CD58: variants seen among roughly 807,000 people sequenced by gnomAD.
CD58 encodes CD58 molecule.
A neutral mutation model predicts 27.6 loss-of-function variants in CD58; 14 were observed. That is an observed-to-expected ratio of 0.51 (90% CI 0.34 to 0.79). The LOEUF (loss-of-function observed/expected upper bound fraction) is 0.79. Ranked by LOEUF, CD58 falls within the 30% of genes least tolerant of loss-of-function variation. The probability of loss-of-function intolerance (pLI) is 0.02; values close to 1 mark genes in which losing one functional copy is unlikely to be tolerated. For missense variants in CD58, 268 were observed against 301.7 expected (o/e 0.89, Z 0.83); for synonymous variants, 117 against 103.8 (o/e 1.13, Z -0.77).
chr1:116,522,037 C>A lies in CD58; in HGVS notation c.629-54G>T. On this transcript the variant is annotated intron_variant, in intron 3 of 5. Coordinates refer to ENST00000369489, the MANE Select transcript of CD58 (RefSeq NM_001779.3). The surrounding 1 kb of genome is among the most constrained non-coding windows in gnomAD (Gnocchi z 4.6). ...ACTAGTTGAACTGATCAAAATGGAT[C>A]CTCATTATTTGCAGATTCCACCTTG... The A allele has an allele frequency of 1.0e-6, 1 of 954,020 alleles. No homozygotes were observed. The highest frequency in any genetic ancestry group is 1.6e-6 in the Non-Finnish European group (1 of 618,582). 59.1% of individuals were successfully genotyped at this position (954,020 alleles called of 1,614,324 possible).
In CD58 at chr1:116,528,311, T is replaced by G. The variant is rs192340271; in HGVS notation, c.629-6328A>C. Among the ~76,000 whole-genome samples the G allele has an allele frequency of 6.6e-6, 1 of 152,326 alleles. No homozygotes were observed. Among genetic ancestry groups the G allele is most frequent in the Admixed American group, 6.5e-5 (1 of 15,302 alleles). On this transcript the variant is annotated intron_variant, in intron 3 of 5. Coordinates refer to ENST00000369489, the MANE Select transcript of CD58 (RefSeq NM_001779.3). This position sits in a 1 kb window ranked among gnomAD's most constrained non-coding sequence, Gnocchi z 4.4. ...TTCTCCTTTTTCCTATTTCCGCATA[T>G]TTTTGTGTTTCTATGATGAATTTTT...
intron 1 of CD58, among the ~76,000 whole-genome samples, chr1:116,556,014 G>A (rs969134313): frequency 6.6e-6 from 1 of 152,052 alleles, no homozygotes; most frequent in African/African-American, 2.4e-5. Flanking sequence ...CCAGCACTTT[G>A]GGAGGCCAAG....
At chr1:116,533,089 G>A (rs886767374) in intron 3 of CD58, 2 of 741,710 alleles carry the variant, frequency 2.7e-6, no homozygotes, top group South Asian at 1.4e-5. Flanking sequence ...CCTCCCCAGC[G>A]AAGTACAGCA....
Position 116,523,824 on chromosome 1 carries a change from A to G in CD58, c.629-1841T>C, listed in dbSNP as rs1657343663. 2.0e-5 allele frequency among the ~76,000 whole-genome samples: 3 copies of G among 152,344 alleles called. No individual in the cohort carries two copies. Among genetic ancestry groups the G allele is most frequent in the Middle Eastern group, 3.4e-3 (1 of 294 alleles). ...GTGGTTACTCTGAGGTTCAATTTAT[A>G]TAGGAAAAGCAGCATTTGATTCTTC... is the stretch of plus-strand genomic sequence containing the variant. On this transcript the variant is annotated intron_variant, in intron 3 of 5. Coordinates refer to ENST00000369489, the MANE Select transcript of CD58 (RefSeq NM_001779.3). This position sits in a 1 kb window ranked among gnomAD's most constrained non-coding sequence, Gnocchi z 4.4.
At chr1:116,567,166 CAAAG>C (rs1445764016) in intron 1 of CD58, among the ~76,000 whole-genome samples, 1 of 125,244 alleles carries the variant, frequency 8.0e-6, no homozygotes, top group Non-Finnish European at 1.7e-5. Context: ...GGCAATGAAA[CAAAG>C]AAGGAAAGAA....
intron 2 of CD58, among the ~76,000 whole-genome samples, chr1:116,543,676 A>G (rs1658064833): frequency 1.3e-5 from 2 of 152,158 alleles, no homozygotes; most frequent in South Asian, 4.2e-4. Context: ...TAATCCCAGC[A>G]CTTTGGGAGG....
Position 116,538,016 on chromosome 1 carries a change from C to T in CD58, c.365-1788G>A, listed in dbSNP as rs1312073356. 6.6e-6 allele frequency among the ~76,000 whole-genome samples: 1 copy of T among 151,984 alleles called. No individual in the cohort carries two copies. The highest frequency in any genetic ancestry group is 1.5e-5 in the Non-Finnish European group (1 of 67,990). On this transcript the variant is annotated intron_variant, in intron 2 of 5. Coordinates refer to ENST00000369489, the MANE Select transcript of CD58 (RefSeq NM_001779.3). This position sits in a 1 kb window ranked among gnomAD's most constrained non-coding sequence, Gnocchi z 4.7. ...GAAAAATAAAAGCATTTAATGGTTC[C>T]CCCATCTTCTCCTCCTCCTGAATTC...
intron 3 of CD58, among the ~76,000 whole-genome samples, chr1:116,529,413 T>C (rs548286343): frequency 9.8e-5 from 15 of 152,340 alleles, no homozygotes; most frequent in African/African-American, 3.4e-4. Context: ...CCCAATGCCT[T>C]GGAGCTGCAA....
rs1657508682 is a variant in CD58 at position 116,528,943 on chromosome 1, T to A, written c.629-6960A>T. On this transcript the variant is annotated intron_variant, in intron 3 of 5. Transcript: ENST00000369489. The surrounding 1 kb of genome is among the most constrained non-coding windows in gnomAD (Gnocchi z 4.4). Reference sequence around the variant, plus strand: ...TCCTTAAACCATTGGCTGTATATAATGTTATACCAAATGTCCTCTCTTGAA... The same window carrying A: ...TCCTTAAACCATTGGCTGTATATAAAGTTATACCAAATGTCCTCTCTTGAA... Among the ~76,000 whole-genome samples, 1 of 152,226 alleles carries A rather than the reference T, an allele frequency of 6.6e-6. No individual in the cohort carries two copies. The highest frequency in any genetic ancestry group is 2.4e-5 in the African/African-American group (1 of 41,460).
chr1:116,520,192 T>C (rs1657223146), intron 4 of CD58, among the ~76,000 whole-genome samples: 1 of 152,176 alleles, frequency 6.6e-6, no homozygotes, highest in Non-Finnish European at 1.5e-5. Flanking sequence ...AGTGGCACAA[T>C]CTCAGCTCAC....
At position 116,515,245 on chromosome 1, in the gene CD58, G is replaced by A. The variant is rs1249609401; in HGVS notation, c.744-423C>T. On this transcript the variant is annotated intron_variant, in intron 5 of 5. Coordinates refer to ENST00000369489, the MANE Select transcript of CD58 (RefSeq NM_001779.3). This position sits in a 1 kb window ranked among gnomAD's most constrained non-coding sequence, Gnocchi z 4.6. ...CCTGTTTAGTCACCTCTGTGGCAAC[G>A]ACAGAACAATCTCTGGCTGTCTTGG... 2.6e-5 allele frequency among the ~76,000 whole-genome samples: 4 copies of A among 152,174 alleles called. No homozygotes were observed. Among genetic ancestry groups the A allele is most frequent in the African/African-American group, 7.2e-5 (3 of 41,422 alleles).
Position 116,521,949 on chromosome 1 carries a change from T to C in CD58, c.663A>G (p.Ile221Met). The C allele has an allele frequency of 6.3e-7, 1 of 1,585,876 alleles. No homozygotes were observed. The highest frequency in any genetic ancestry group is 8.6e-7 in the Non-Finnish European group (1 of 1,156,704). The change falls in exon 4 of 6, where the codon ATA becomes ATG. Residue 221 changes from isoleucine (I) to methionine (M), a missense_variant. Coordinates refer to ENST00000369489, the MANE Select transcript of CD58 (RefSeq NM_001779.3). The surrounding 1 kb of genome is among the most constrained non-coding windows in gnomAD (Gnocchi z 5.6). ...TACATGTTGTAATTACTGCTAATGG[T>C]ATGGGTATAAGTGCATATCTGTGTC... ...HSRHRYALIP[I>M]PLAVITTCIV... is the part of the protein sequence containing the mutation.
Position 116,515,356 on chromosome 1 carries a change from G to A in CD58, c.744-534C>T, listed in dbSNP as rs1657041992. Reference sequence around the variant, plus strand: ...CCCGGCCTCCTCCCCCGTGGTCTGCGTATTTCCACAGAGCTCAAAATCAGA... The same window carrying A: ...CCCGGCCTCCTCCCCCGTGGTCTGCATATTTCCACAGAGCTCAAAATCAGA... On this transcript the variant is annotated intron_variant, in intron 5 of 5. Coordinates refer to ENST00000369489, the MANE Select transcript of CD58 (RefSeq NM_001779.3). The surrounding 1 kb of genome is among the most constrained non-coding windows in gnomAD (Gnocchi z 4.6). Among the ~76,000 whole-genome samples, 2 of 152,078 alleles carry A rather than the reference G, an allele frequency of 1.3e-5. No homozygotes were observed. The highest frequency in any genetic ancestry group is 6.5e-5 in the Admixed American group (1 of 15,276).
At chr1:116,554,464 T>A (rs1658500347) in intron 1 of CD58, among the ~76,000 whole-genome samples, 1 of 152,052 alleles carries the variant, frequency 6.6e-6, no homozygotes, top group Admixed American at 6.5e-5. Context: ...AGTGGAAGGA[T>A]CACTTGAGCC....
At chr1:116,561,086 C>T (rs941505465) in intron 1 of CD58, among the ~76,000 whole-genome samples, 3 of 152,184 alleles carry the variant, frequency 2.0e-5, no homozygotes, top group Admixed American at 1.3e-4. Flanking sequence ...TGCAAAGTTT[C>T]TACTTTTAAA....
chr1:116,532,757 A>G lies in CD58; in HGVS notation c.628+3208T>C, dbSNP rs1167762326. Among the ~76,000 whole-genome samples the G allele has an allele frequency of 3.3e-5, 5 of 152,274 alleles. No homozygotes were observed. Among genetic ancestry groups the G allele is most frequent in the Admixed American group, 2.6e-4 (4 of 15,290 alleles). On this transcript the variant is annotated intron_variant, in intron 3 of 5. Transcript: ENST00000369489. The surrounding 1 kb of genome is among the most constrained non-coding windows in gnomAD (Gnocchi z 5.1). ...TGAAATGCATTTCAGTTGCCACTGTACACATTAAGCAAAATAATAAGGAAA... is the reference window on the plus strand; with the variant it reads ...TGAAATGCATTTCAGTTGCCACTGTGCACATTAAGCAAAATAATAAGGAAA...
At chr1:116,566,313 G>C (rs755870070) in intron 1 of CD58, among the ~76,000 whole-genome samples, 1 of 152,336 alleles carries the variant, frequency 6.6e-6, no homozygotes, top group East Asian at 1.9e-4. Context: ...CACTGTGGGA[G>C]TAAGGAGATG....
chr1:116,553,620 T>C (rs1658463862), intron 1 of CD58, among the ~76,000 whole-genome samples: 1 of 152,144 alleles, frequency 6.6e-6, no homozygotes, highest in Non-Finnish European at 1.5e-5. Context: ...GCCTGGAACA[T>C]CATGCTTTCA....
intron 2 of CD58, among the ~76,000 whole-genome samples, chr1:116,539,851 T>C (rs992763349): frequency 2.0e-5 from 3 of 152,224 alleles, no homozygotes; most frequent in Non-Finnish European, 2.9e-5. Flanking sequence ...TTAAGCAGCA[T>C]TAAACTGGCA....
Sources: gnomAD v4.1 joint callset for allele counts (sites outside exome capture counted in the v4.1 genomes callset) on GRCh38, gnomAD v4.1.1 for gene constraint, Gnocchi (gnomAD v3.1) non-coding constraint, MANE v1.5 for transcripts, NCBI Gene and HGNC (gene_info 2026-07-23, HGNC 2026-07-21) for gene names.